The following CSNK1E variants were observed in gnomAD, a reference collection of about 807,000 sequenced individuals.
CSNK1E encodes the protein casein kinase I isoform epsilon.
A neutral mutation model predicts 46.1 loss-of-function variants in CSNK1E; 17 were observed. That is an observed-to-expected ratio of 0.37 (90% confidence interval 0.25 to 0.55). The LOEUF (loss-of-function observed/expected upper bound fraction) is 0.55, where lower values mean the gene tolerates loss of function less well. Among genes scored for constraint, CSNK1E ranks in the 20% least tolerant of loss-of-function variants. The pLI, the probability that CSNK1E is intolerant of heterozygous loss-of-function variation, is 0.82. For missense variants in CSNK1E, 386 were observed against 595.4 expected (o/e 0.65, Z 3.66); for synonymous variants, 241 against 242.6 (o/e 0.99, Z 0.06).
chr22:38,293,342 G>A, intron 9 of CSNK1E, 23 bp from the exon 10 acceptor site: 1 of 1,489,426 alleles, frequency 6.7e-7, no homozygotes, highest in Non-Finnish European at 9.3e-7. Flanking sequence ...GGGAGGGAGA[G>A]AGGGGGAGGG....
At chr22:38,311,988 G>C (rs2092723093) in intron 2 of CSNK1E, among the ~76,000 whole-genome samples, 1 of 152,120 alleles carries the variant, frequency 6.6e-6, no homozygotes. Flanking sequence ...ATCTTTAGTA[G>C]AGACAGCGTT....
intron 1 of CSNK1E, among the ~76,000 whole-genome samples, chr22:38,315,629 G>C (rs1480389632): frequency 1.5e-5 from 2 of 131,114 alleles, no homozygotes; most frequent in African/African-American, 5.6e-5. Context: ...AGCCCTGTTG[G>C]GGGGTAAGGG....
intron 6 of CSNK1E, 66 bp downstream of exon 6, chr22:38,299,829 C>T: frequency 6.4e-7 from 1 of 1,563,046 alleles, no homozygotes; most frequent in Non-Finnish European, 8.7e-7. Context: ...TTTGTATGGC[C>T]TCACCTTTCC....
intron 2 of CSNK1E, among the ~76,000 whole-genome samples, chr22:38,305,947 AAGGCTGTCGGCTGC>A (rs2145843162): frequency 6.6e-6 from 1 of 152,330 alleles, no homozygotes. Flanking sequence ...AGGCGGGGAC[AAGGCTGTCGGCTGC>A]AGGCTGTTTG....
Position 38,306,673 on chromosome 22 carries a change from G to A in CSNK1E, c.77-3425C>T, listed in dbSNP as rs2145844100. 2.0e-5 allele frequency among the ~76,000 whole-genome samples: 3 copies of A among 151,960 alleles called. No homozygotes were observed. In the South Asian group the frequency reaches 6.2e-4, roughly 31 times the overall value. On this transcript the variant is annotated intron_variant, in intron 2 of 10. Transcript: ENST00000396832. ...TTGAACCCAGGAGGCAGAGGTTGCAGTGAGCCGAGATTGTGCCACTGCACT... is the reference window on the plus strand; with the variant it reads ...TTGAACCCAGGAGGCAGAGGTTGCAATGAGCCGAGATTGTGCCACTGCACT...
Position 38,298,261 on chromosome 22 carries a change from G to A in CSNK1E, c.885+525C>T. ...AATTTCACAGATTCCAGAGCTCTGGGTACGGCCGGCCAATGCTGCTCCCCA... is the reference window on the plus strand; with the variant it reads ...AATTTCACAGATTCCAGAGCTCTGGATACGGCCGGCCAATGCTGCTCCCCA... On this transcript the variant is annotated intron_variant, in intron 7 of 10. Transcript: ENST00000396832. The surrounding 1 kb of genome is among the most constrained non-coding windows in gnomAD (Gnocchi z 4.2). 7.9e-7 allele frequency: 1 copy of A among 1,267,410 alleles called. No individual in the cohort carries two copies. Among genetic ancestry groups the A allele is most frequent in the Non-Finnish European group, 1.0e-6 (1 of 963,466 alleles). 78.5% of individuals were successfully genotyped at this position (1,267,410 alleles called of 1,614,324 possible).
chr22:38,296,794 C>T, intron 7 of CSNK1E: 5 of 1,406,336 alleles, frequency 3.6e-6, no homozygotes, highest in Non-Finnish European at 4.8e-6. Context: ...GAAATGGTCC[C>T]ATCTGCCTTG....
intron 1 of CSNK1E, among the ~76,000 whole-genome samples, chr22:38,316,490 G>C (rs1243275536): frequency 6.6e-6 from 1 of 152,238 alleles, no homozygotes. Flanking sequence ...ATTAACAAGA[G>C]CTTGGGAATC....
intron 2 of CSNK1E, among the ~76,000 whole-genome samples, chr22:38,313,558 A>AAG (rs966225817): frequency 6.6e-6 from 1 of 152,110 alleles, no homozygotes; most frequent in African/African-American, 2.4e-5. Context: ...CGGAGAGAAA[A>AAG]AGAGAGAGAG....
Position 38,300,151 on chromosome 22 carries a change from AC to A in CSNK1E, c.566-87del. 1 of 1,325,406 alleles carries A rather than the reference AC, an allele frequency of 7.5e-7. No individual in the cohort carries two copies. The highest frequency in any genetic ancestry group is 1.0e-6 in the Non-Finnish European group (1 of 959,296). The allele number at this position is 1,325,406 out of a possible 1,614,324, so 82.1% of individuals were successfully genotyped here. On this transcript the variant is annotated intron_variant, in intron 5 of 10. Transcript: ENST00000396832. This position sits in a 1 kb window ranked among gnomAD's most constrained non-coding sequence, Gnocchi z 4.4. ...CTCTGGGTCATGCTCCTCACAATGC[AC>A]CAGGACCCTCCTGCCCCCACGTCGG...
At chr22:38,301,944 C>G (rs2092674964) in intron 4 of CSNK1E, among the ~76,000 whole-genome samples, 2 of 152,192 alleles carry the variant, frequency 1.3e-5, no homozygotes, top group African/African-American at 4.8e-5. Context: ...ACATTCCATT[C>G]CAAGTTCAAA....
At chr22:38,316,130 G>A (rs891868254) in intron 1 of CSNK1E, among the ~76,000 whole-genome samples, 1 of 151,250 alleles carries the variant, frequency 6.6e-6, no homozygotes, top group Non-Finnish European at 1.5e-5. Flanking sequence ...CAAAGTGGGG[G>A]GAAAAGTGGA....
Position 38,309,353 on chromosome 22 carries a change from G to A in CSNK1E, c.76+4729C>T, listed in dbSNP as rs983970171. Among the ~76,000 whole-genome samples, 2 of 152,194 alleles carry A rather than the reference G, an allele frequency of 1.3e-5. No individual in the cohort carries two copies. Among genetic ancestry groups the A allele is most frequent in the Admixed American group, 6.5e-5 (1 of 15,278 alleles). On this transcript the variant is annotated intron_variant, in intron 2 of 10. Coordinates refer to ENST00000396832, the MANE Select transcript of CSNK1E (RefSeq NM_152221.3). This position sits in a 1 kb window ranked among gnomAD's most constrained non-coding sequence, Gnocchi z 4.8. ...CAGGGCCTGCAGCACTTGGTGATTC[G>A]GCAGATGTGTGCAGGGAGGAGAGGT... is the stretch of plus-strand genomic sequence containing the variant.
intron 2 of CSNK1E, among the ~76,000 whole-genome samples, chr22:38,305,832 C>T (rs762376364): frequency 1.3e-5 from 2 of 152,174 alleles, no homozygotes; most frequent in East Asian, 1.9e-4. Flanking sequence ...GTGGTGGAGG[C>T]GTCAACTGCT....
chr22:38,302,749 A>G (rs2092679672), intron 4 of CSNK1E, 112 bp downstream of exon 4: 1 of 1,261,822 alleles, frequency 7.9e-7, no homozygotes, highest in Non-Finnish European at 1.1e-6. Flanking sequence ...TAGCCAGTGG[A>G]CAAGGTCCCC....
chr22:38,304,423 C>A (rs952945005), intron 2 of CSNK1E, among the ~76,000 whole-genome samples: 1 of 152,142 alleles, frequency 6.6e-6, no homozygotes, highest in African/African-American at 2.4e-5. Context: ...TGTGAGTTGG[C>A]ACAGCCCCTG....
Position 38,303,354 on chromosome 22 carries a change from C to T in CSNK1E, c.77-106G>A. On this transcript the variant is annotated intron_variant, in intron 2 of 10. Transcript: ENST00000396832. The surrounding 1 kb of genome is among the most constrained non-coding windows in gnomAD (Gnocchi z 4.7). ...GATCTGGCGTGTGCCGGGCCCGGGGCCATCTGCCCTTGAGGAGCTCTTGGG... is the reference window on the plus strand; with the variant it reads ...GATCTGGCGTGTGCCGGGCCCGGGGTCATCTGCCCTTGAGGAGCTCTTGGG... The T allele has an allele frequency of 1.0e-6, 1 of 967,206 alleles. No individual in the cohort carries two copies. The highest frequency in any genetic ancestry group is 1.5e-6 in the Non-Finnish European group (1 of 660,372). The allele number at this position is 967,206 out of a possible 1,614,324, so 59.9% of individuals were successfully genotyped here. A position where few individuals can be genotyped will look rare whatever the true frequency, so the allele number is the denominator to read the frequency against.
intron 7 of CSNK1E, chr22:38,296,180 A>G (rs2092639450): frequency 9.9e-7 from 1 of 1,014,616 alleles, no homozygotes; most frequent in Non-Finnish European, 1.2e-6. Flanking sequence ...CATCCAACCC[A>G]TAGGACGCAA....
chr22:38,295,342 G>C (rs1456869314), intron 7 of CSNK1E: 18 of 837,684 alleles, frequency 2.1e-5, no homozygotes, highest in Non-Finnish European at 2.6e-5. Flanking sequence ...AAGTGAGAAG[G>C]GGCCAGAGAA....
Sources: allele counts gnomAD v4.1 joint callset (sites outside exome capture counted in the v4.1 genomes callset), GRCh38; gene constraint gnomAD v4.1.1; non-coding constraint Gnocchi (gnomAD v3.1); transcripts MANE v1.5; gene names NCBI Gene and HGNC (gene_info 2026-07-23, HGNC 2026-07-21).